The following MCTP1 variants were observed in gnomAD, a reference collection of about 807,000 sequenced individuals.
MCTP1 encodes multiple C2 and transmembrane domain-containing protein 1.
In MCTP1, 69 loss-of-function variants were observed where a neutral mutation model predicts 120.6. That is an observed-to-expected ratio of 0.57 (90% CI 0.47 to 0.70). The LOEUF (loss-of-function observed/expected upper bound fraction) is 0.70, where lower values mean the gene tolerates loss of function less well. MCTP1 is among the 30% of genes least tolerant of loss of function. The pLI is 0.00. For missense variants in MCTP1, 1,203 were observed against 1,248.8 expected, an observed-to-expected ratio of 0.96 and a Z score of 0.55; for synonymous variants, 529 against 493.1, an observed-to-expected ratio of 1.07 and a Z score of -0.96.
At chr5:94,807,398 G>A (rs563832823) in intron 17 of MCTP1, among the ~76,000 whole-genome samples, 3 of 152,320 alleles carry the variant, frequency 2.0e-5, no homozygotes, top group African/African-American at 7.2e-5. Flanking sequence ...AAAGAAGAGA[G>A]CTGGGTAAAG....
intron 1 of MCTP1, among the ~76,000 whole-genome samples, chr5:95,213,310 C>G (rs1486582394): frequency 6.6e-6 from 1 of 151,986 alleles, no homozygotes; most frequent in African/African-American, 2.4e-5. Context: ...TTACAAAGGA[C>G]GTGAAAGACC....
intron 2 of MCTP1, among the ~76,000 whole-genome samples, chr5:94,976,548 G>GATTT (rs1241572049): frequency 2.0e-5 from 3 of 152,078 alleles, no homozygotes; most frequent in Non-Finnish European, 2.9e-5. Flanking sequence ...TTGATTGATT[G>GATTT]ATTTCAATTT....
intron 12 of MCTP1, among the ~76,000 whole-genome samples, chr5:94,885,690 G>A (rs557366688): frequency 2.0e-5 from 3 of 149,052 alleles, no homozygotes; most frequent in Non-Finnish European, 3.0e-5. Context: ...CAGTGAACGC[G>A]GGGCCAGACA....
At chr5:94,929,142 A>C (rs544112746) in intron 6 of MCTP1, among the ~76,000 whole-genome samples, 1 of 152,284 alleles carries the variant, frequency 6.6e-6, no homozygotes, top group African/African-American at 2.4e-5. Flanking sequence ...AAAGAACAAC[A>C]ACCGAGTCGA....
chr5:94,723,170 A>G (rs1305534120), intron 19 of MCTP1, among the ~76,000 whole-genome samples: 1 of 152,160 alleles, frequency 6.6e-6, no homozygotes, highest in African/African-American at 2.4e-5. Context: ...TGTCTTACTC[A>G]GTTCTTACTG....
intron 18 of MCTP1, among the ~76,000 whole-genome samples, chr5:94,796,555 A>ATGTGTG (rs113524744): frequency 2.1e-4 from 29 of 140,100 alleles, no homozygotes; most frequent in African/African-American, 7.7e-4. Flanking sequence ...ATTCGTATAT[A>ATGTGTG]TGTGTGTGTG....
At chr5:94,752,481 C>G (rs945724004) in intron 19 of MCTP1, among the ~76,000 whole-genome samples, 9 of 152,038 alleles carry the variant, frequency 5.9e-5, no homozygotes, top group African/African-American at 2.2e-4. Flanking sequence ...GTGCTTGAAG[C>G]TAAAATTCTC....
At chr5:95,171,725 G>A (rs141934458) in intron 1 of MCTP1, among the ~76,000 whole-genome samples, 30 of 151,170 alleles carry the variant, frequency 2.0e-4, no homozygotes, top group Middle Eastern at 3.4e-3. Context: ...TTGTGCATTC[G>A]TTGCGTAGTT....
At chr5:95,084,531 T>C (rs1243377181) in intron 1 of MCTP1, among the ~76,000 whole-genome samples, 1 of 150,656 alleles carries the variant, frequency 6.6e-6, no homozygotes, top group African/African-American at 2.4e-5. Flanking sequence ...CCAAGGTCTT[T>C]GGGTGTTTTT....
chr5:94,879,914 A>G (rs908754743), intron 12 of MCTP1, among the ~76,000 whole-genome samples: 6 of 152,092 alleles, frequency 3.9e-5, no homozygotes, highest in Admixed American at 1.3e-4. Context: ...CTGCAAAAGA[A>G]TATTTACAGA....
At chr5:94,899,381 T>A (rs1237060015) in intron 10 of MCTP1, among the ~76,000 whole-genome samples, 1 of 152,212 alleles carries the variant, frequency 6.6e-6, no homozygotes, top group Non-Finnish European at 1.5e-5. Context: ...CATGACCAAC[T>A]GACTGTGCTT....
chr5:95,121,166 C>T (rs1057244655), intron 1 of MCTP1, among the ~76,000 whole-genome samples: 40 of 150,250 alleles, frequency 2.7e-4, no homozygotes, highest in Non-Finnish European at 4.4e-4. Flanking sequence ...TAGTCCCAGC[C>T]ACTCAGGAGG....
intron 10 of MCTP1, among the ~76,000 whole-genome samples, chr5:94,907,535 T>C (rs956723205): frequency 1.8e-4 from 27 of 148,572 alleles, no homozygotes; most frequent in Admixed American, 4.6e-4. Flanking sequence ...ATCCCTATGA[T>C]CTTCTACCCA....
At chr5:95,070,698 T>C (rs930630890) in intron 1 of MCTP1, among the ~76,000 whole-genome samples, 37 of 152,178 alleles carry the variant, frequency 2.4e-4, no homozygotes, top group African/African-American at 2.4e-5. Flanking sequence ...TGGCCATGTG[T>C]GAGACTGGGG....
At chr5:94,971,234 A>G (rs1230234651) in intron 2 of MCTP1, among the ~76,000 whole-genome samples, 1 of 152,156 alleles carries the variant, frequency 6.6e-6, no homozygotes. Flanking sequence ...GCCATTCCAC[A>G]TAAATGAATT....
intron 1 of MCTP1, among the ~76,000 whole-genome samples, chr5:95,135,593 G>A (rs1252630971): frequency 6.6e-6 from 1 of 152,180 alleles, no homozygotes; most frequent in Non-Finnish European, 1.5e-5. Context: ...ACGTGAAGAA[G>A]CAAGACTGGC....
At chr5:94,809,896 C>T (rs1022735797) in intron 17 of MCTP1, among the ~76,000 whole-genome samples, 5 of 152,156 alleles carry the variant, frequency 3.3e-5, no homozygotes, top group East Asian at 1.9e-4. Context: ...GAAAGACCCA[C>T]GACTATCTCA....
At chr5:95,214,223 T>A in intron 1 of MCTP1, among the ~76,000 whole-genome samples, 1 of 152,252 alleles carries the variant, frequency 6.6e-6, no homozygotes, top group Non-Finnish European at 1.5e-5. Context: ...CAGACACTTC[T>A]CAAAAGAAGA....
intron 1 of MCTP1, among the ~76,000 whole-genome samples, chr5:95,245,911 T>G (rs1362802766): frequency 6.6e-6 from 1 of 151,856 alleles, no homozygotes; most frequent in East Asian, 1.9e-4. Flanking sequence ...AAGGAAAAAA[T>G]GTTAAGCGCA....
Sources: allele counts gnomAD v4.1 joint callset (sites outside exome capture counted in the v4.1 genomes callset), GRCh38; gene constraint gnomAD v4.1.1; transcripts MANE v1.5; gene names NCBI Gene and HGNC (gene_info 2026-07-23, HGNC 2026-07-21).